The following PTPRK variants were observed in gnomAD, a reference collection of about 807,000 sequenced individuals.
PTPRK encodes the protein receptor-type tyrosine-protein phosphatase kappa.
A neutral mutation model predicts 178.0 loss-of-function variants in PTPRK; 75 were observed. The ratio of observed to expected loss-of-function variants is 0.42; its 90% CI spans 0.35 to 0.51. The LOEUF is 0.51. PTPRK is among the 20% of genes least tolerant of loss of function. The pLI is 0.02. For missense variants in PTPRK, 1,441 were observed against 1,797.8 expected, an observed-to-expected ratio of 0.80 and a Z score of 3.59; for synonymous variants, 637 against 620.6, an observed-to-expected ratio of 1.03 and a Z score of -0.39.
intron 13 of PTPRK, among the ~76,000 whole-genome samples, chr6:128,054,579 A>T (rs1205415998): frequency 1.3e-5 from 2 of 152,204 alleles, no homozygotes; most frequent in Non-Finnish European, 2.9e-5. Context: ...GGGGATTTGA[A>T]TCTAGAATCT....
chr6:128,094,231 G>C (rs1787526087), intron 7 of PTPRK, among the ~76,000 whole-genome samples: 2 of 152,154 alleles, frequency 1.3e-5, no homozygotes, highest in South Asian at 2.1e-4. Flanking sequence ...AGAAGTCATT[G>C]AGGGTTTCTG....
chr6:128,146,174 G>C (rs1316989162), intron 7 of PTPRK, among the ~76,000 whole-genome samples: 2 of 152,120 alleles, frequency 1.3e-5, no homozygotes, highest in Non-Finnish European at 2.9e-5. Context: ...CTGCAGGATG[G>C]GAGAGAAAAA....
At position 128,004,314 on chromosome 6, in the gene PTPRK, T is replaced by C. The variant is rs534664584; in HGVS notation, c.2494+770A>G. On this transcript the variant is annotated intron_variant, in intron 15 of 29. Transcript: ENST00000368226. ...TTAGGCAATTTCACTTAAATTTAAT[T>C]AACTTAAACAGATGCACTATAGAAC... is the stretch of plus-strand genomic sequence containing the variant. Among the ~76,000 whole-genome samples, 4 of 151,934 alleles carry C rather than the reference T, an allele frequency of 2.6e-5. No individual in the cohort carries two copies. In the South Asian group the frequency reaches 6.2e-4, roughly 24 times the overall value.
intron 7 of PTPRK, among the ~76,000 whole-genome samples, chr6:128,124,734 G>A (rs1051678696): frequency 6.6e-6 from 1 of 152,080 alleles, no homozygotes; most frequent in Non-Finnish European, 1.5e-5. Context: ...CCTCCATAAT[G>A]TGGGTAGGCC....
chr6:128,455,054 A>C (rs925506393), intron 1 of PTPRK, among the ~76,000 whole-genome samples: 1 of 152,178 alleles, frequency 6.6e-6, no homozygotes, highest in African/African-American at 2.4e-5. Flanking sequence ...TAGCATATAA[A>C]ACAAACTATT....
At chr6:128,140,401 A>C (rs1795607120) in intron 7 of PTPRK, among the ~76,000 whole-genome samples, 2 of 152,022 alleles carry the variant, frequency 1.3e-5, no homozygotes, top group Non-Finnish European at 2.9e-5. Context: ...AATGCTTTTT[A>C]GTAGTCAAAT....
chr6:128,048,346 T>C (rs1202209190), intron 13 of PTPRK, among the ~76,000 whole-genome samples: 1 of 152,146 alleles, frequency 6.6e-6, no homozygotes, highest in East Asian at 1.9e-4. Context: ...AGAGCTGATT[T>C]AGAACATTCT....
intron 6 of PTPRK, among the ~76,000 whole-genome samples, chr6:128,203,233 G>C (rs577609266): frequency 1.3e-5 from 2 of 152,082 alleles, no homozygotes; most frequent in African/African-American, 4.8e-5. Flanking sequence ...TATCTCTTCA[G>C]GTTAAAAACT....
At chr6:128,305,450 A>C (rs562146803) in intron 3 of PTPRK, among the ~76,000 whole-genome samples, 36 of 152,344 alleles carry the variant, frequency 2.4e-4, no homozygotes, top group Non-Finnish European at 4.1e-4. Flanking sequence ...CAGAAATGTA[A>C]GAAAACAAGT....
intron 17 of PTPRK, 43 bp from the exon 18 acceptor site, chr6:127,995,581 C>G: frequency 2.4e-6 from 3 of 1,265,874 alleles, no homozygotes; most frequent in Non-Finnish European, 2.2e-6. Flanking sequence ...AAATTTTCCC[C>G]CTGTTCTGAG....
chr6:127,996,971 C>T lies in PTPRK; in HGVS notation c.2697G>A (p.Gln899=), dbSNP rs866763128. Residue 899 remains glutamine, a synonymous_variant, in exon 17 of 30, where the codon CAG becomes CAA. Coordinates refer to ENST00000368226, the MANE Select transcript of PTPRK (RefSeq NM_002844.4). ...TTTTAGCTACATCCCAAGATGCTGA[C>T]TGTCCTTCAAAAAAGCTCTGGGAAA... ...KEEYESFFEG[Q]SASWDVAKKD... 1 of 1,611,494 alleles carries T rather than the reference C, an allele frequency of 6.2e-7. No homozygotes were observed. Among genetic ancestry groups the T allele is most frequent in the African/African-American group, 1.3e-5 (1 of 74,810 alleles).
chr6:128,435,669 C>G (rs1388121114), intron 1 of PTPRK, among the ~76,000 whole-genome samples: 2 of 151,996 alleles, frequency 1.3e-5, no homozygotes, highest in Non-Finnish European at 2.9e-5. Context: ...AATGCTAACC[C>G]AAAGAACTGT....
chr6:128,241,489 C>G (rs1335918044), intron 4 of PTPRK, among the ~76,000 whole-genome samples: 1 of 152,180 alleles, frequency 6.6e-6, no homozygotes, highest in Non-Finnish European at 1.5e-5. Context: ...TCACAAGAGG[C>G]CCCAGCCTGC....
chr6:128,206,693 A>G (rs2128262041), intron 6 of PTPRK, among the ~76,000 whole-genome samples: 1 of 152,286 alleles, frequency 6.6e-6, no homozygotes, highest in African/African-American at 2.4e-5. Context: ...CAAAATGATG[A>G]AAGGTCACTG....
intron 13 of PTPRK, among the ~76,000 whole-genome samples, chr6:128,049,769 T>G (rs1219442266): frequency 6.6e-6 from 1 of 152,214 alleles, no homozygotes; most frequent in Non-Finnish European, 1.5e-5. Flanking sequence ...GGCACAAAAT[T>G]CTTAGCTGCT....
intron 7 of PTPRK, among the ~76,000 whole-genome samples, chr6:128,142,372 A>C (rs1795893556): frequency 6.6e-6 from 1 of 152,006 alleles, no homozygotes; most frequent in Non-Finnish European, 1.5e-5. Context: ...AGATAGATTA[A>C]GTGTAATGAA....
intron 13 of PTPRK, among the ~76,000 whole-genome samples, chr6:128,017,804 A>G (rs9321105): frequency 0.011 from 1,018 of 89,736 alleles, 14 homozygotes; most frequent in African/African-American, 0.066. Flanking sequence ...ATATATGTGT[A>G]TATATATATA....
chr6:128,273,065 T>C (rs144743325), intron 3 of PTPRK, among the ~76,000 whole-genome samples: 309 of 152,202 alleles, frequency 2.0e-3, no homozygotes, highest in Non-Finnish European at 3.7e-3. Flanking sequence ...TGTAGGGACA[T>C]GGATGAAGCT....
At chr6:128,073,530 A>G (rs1030063697) in intron 11 of PTPRK, among the ~76,000 whole-genome samples, 3 of 152,020 alleles carry the variant, frequency 2.0e-5, no homozygotes, top group Non-Finnish European at 2.9e-5. Flanking sequence ...CTTCCTGCAT[A>G]ACATATTACC....
Sources: gnomAD v4.1 joint callset for allele counts (sites outside exome capture counted in the v4.1 genomes callset) on GRCh38, gnomAD v4.1.1 for gene constraint, MANE v1.5 for transcripts, NCBI Gene and HGNC (gene_info 2026-07-23, HGNC 2026-07-21) for gene names.